The following MYH10 variants were observed in gnomAD, a reference collection of about 807,000 sequenced individuals.
MYH10 encodes the protein myosin-10.
MYH10 carries 55 observed loss-of-function variants against 257.8 expected under a neutral mutation model. That is an observed-to-expected ratio of 0.21 (90% CI 0.17 to 0.27). MYH10 has a LOEUF of 0.27. Among genes scored for constraint, MYH10 ranks in the 10% least tolerant of loss-of-function variants. MYH10 has a pLI of 1.00. For missense variants in MYH10, 1,631 were observed against 2,500.6 expected (o/e 0.65, Z 7.42); for synonymous variants, 854 against 921.7 (o/e 0.93, Z 1.33).
At chr17:8,586,267 C>T (rs1319230188) in intron 4 of MYH10, among the ~76,000 whole-genome samples, 3 of 152,296 alleles carry the variant, frequency 2.0e-5, no homozygotes, top group South Asian at 2.1e-4. Context: ...ACACTCATCA[C>T]TGAGTACACT....
chr17:8,545,024 G>A lies in MYH10; in HGVS notation c.1431+424C>T, dbSNP rs1468267285. On this transcript the variant is annotated intron_variant, in intron 13 of 42. Coordinates refer to ENST00000360416, the MANE Select transcript of MYH10 (RefSeq NM_001256012.3). The surrounding 1 kb of genome is among the most constrained non-coding windows in gnomAD (Gnocchi z 4.7). ...GACCTGGCCCCATGCTCTTCTCCAC[G>A]TCTCCAACTCCTCTCTCCCTCTGGT... 6.6e-6 allele frequency among the ~76,000 whole-genome samples: 1 copy of A among 152,056 alleles called. No homozygotes were observed. The highest frequency in any genetic ancestry group is 1.5e-5 in the Non-Finnish European group (1 of 68,020).
chr17:8,627,986 A>G (rs866944173), intron 1 of MYH10, among the ~76,000 whole-genome samples: 30 of 152,348 alleles, frequency 2.0e-4, no homozygotes, highest in Middle Eastern at 3.4e-3. Context: ...TACACACTAC[A>G]ATGATGGAAG....
chr17:8,602,304 G>A (rs2084639210), intron 3 of MYH10, among the ~76,000 whole-genome samples: 1 of 152,166 alleles, frequency 6.6e-6, no homozygotes, highest in Non-Finnish European at 1.5e-5. Flanking sequence ...AAAGCTCTTG[G>A]CAGCTTGGAT....
At chr17:8,510,179 C>CAGT (rs1045552839) in intron 24 of MYH10, among the ~76,000 whole-genome samples, 1 of 151,748 alleles carries the variant, frequency 6.6e-6, no homozygotes, top group Non-Finnish European at 1.5e-5. Context: ...GCTGGGACTA[C>CAGT]AGGTGCCCGC....
intron 21 of MYH10, 33 bp downstream of exon 21, chr17:8,518,598 C>T (rs1372846127): frequency 1.3e-6 from 2 of 1,596,606 alleles, no homozygotes; most frequent in South Asian, 1.1e-5. Flanking sequence ...AGCACTTCCT[C>T]AGTGAACGAT....
Position 8,584,037 on chromosome 17 carries a change from C to T in MYH10, c.530+5044G>A, listed in dbSNP as rs1443530382. 2.6e-5 allele frequency among the ~76,000 whole-genome samples: 4 copies of T among 152,256 alleles called. No individual in the cohort carries two copies. The South Asian group carries it at 6.2e-4, about 24-fold the overall frequency. On this transcript the variant is annotated intron_variant, in intron 4 of 42. Transcript: ENST00000360416. ...AATCAACATGAGGATTACACTGTAG[C>T]AGGATTTCACCTCCAGTTCTATGGG... is the stretch of plus-strand genomic sequence containing the variant.
intron 7 of MYH10, among the ~76,000 whole-genome samples, chr17:8,567,900 C>T (rs976631675): frequency 2.0e-5 from 3 of 152,150 alleles, no homozygotes; most frequent in South Asian, 4.1e-4. Context: ...AACTATGTTT[C>T]GTTAAAGATT....
rs774704772 is a variant in MYH10 at position 8,480,223 on chromosome 17, C to T, written c.5484G>A (p.Leu1828=). The change falls in exon 40 of 43, where the codon CTG becomes CTA. Residue 1828 remains leucine (L), a synonymous_variant. Transcript: ENST00000360416. ...CCTCGAGTTCCTGCAGCTTGGCCTTCAGCTCCTTGTTCTGCCGCTCCAGTT... is the reference window on the plus strand; with the variant it reads ...CCTCGAGTTCCTGCAGCTTGGCCTTTAGCTCCTTGTTCTGCCGCTCCAGTT... ...RQQLERQNKE[L]KAKLQELEGA... is the part of the protein sequence containing the mutation. 2 of 1,614,132 alleles carry T rather than the reference C, an allele frequency of 1.2e-6. No individual in the cohort carries two copies. The highest frequency in any genetic ancestry group is 2.2e-5 in the South Asian group (2 of 91,084).
chr17:8,613,306 C>T (rs926251421), intron 2 of MYH10, among the ~76,000 whole-genome samples: 8 of 151,748 alleles, frequency 5.3e-5, no homozygotes, highest in African/African-American at 1.5e-4. Flanking sequence ...TCTAAAAGAA[C>T]GGAAGCTAAA....
intron 6 of MYH10, among the ~76,000 whole-genome samples, chr17:8,572,091 CT>C (rs1333354183): frequency 6.6e-6 from 1 of 152,168 alleles, no homozygotes; most frequent in Non-Finnish European, 1.5e-5. Context: ...AAGAAAAAGA[CT>C]TTGATAGTCC....
chr17:8,511,015 C>CATATATATATATATATAT (rs56144668), intron 24 of MYH10: 2 of 120,546 alleles, frequency 1.7e-5, no homozygotes, highest in African/African-American at 7.7e-5. Flanking sequence ...TCATGTACCC[C>CATATATATATATATATAT]ATATATATAT....
intron 24 of MYH10, among the ~76,000 whole-genome samples, chr17:8,510,522 G>A (rs1046320700): frequency 1.3e-5 from 2 of 152,100 alleles, no homozygotes; most frequent in Non-Finnish European, 2.9e-5. Flanking sequence ...GACATACAGT[G>A]ATAAGTTATT....
At chr17:8,564,387 T>C (rs959224516) in intron 7 of MYH10, among the ~76,000 whole-genome samples, 15 of 152,218 alleles carry the variant, frequency 9.9e-5, no homozygotes, top group Non-Finnish European at 2.1e-4. Context: ...TTTAACATCG[T>C]ACTACTCTTG....
rs562006704 is a variant in MYH10, at chr17:8,552,664, A to G, written c.821-520T>C. Among the ~76,000 whole-genome samples the G allele has an allele frequency of 2.0e-4, 31 of 152,318 alleles. No individual in the cohort carries two copies. The South Asian group carries it at 6.4e-3, about 32-fold the overall frequency. On this transcript the variant is annotated intron_variant, in intron 8 of 42. Coordinates refer to ENST00000360416, the MANE Select transcript of MYH10 (RefSeq NM_001256012.3). This position sits in a 1 kb window ranked among gnomAD's most constrained non-coding sequence, Gnocchi z 4.8. ...CAAAATGCATGATGAGAGTGCCCACAATGCTACCCTATTGAAAGCCTCCTA... is the reference window on the plus strand; with the variant it reads ...CAAAATGCATGATGAGAGTGCCCACGATGCTACCCTATTGAAAGCCTCCTA...
At chr17:8,503,021 G>A (rs1244708878) in intron 28 of MYH10, among the ~76,000 whole-genome samples, 2 of 152,204 alleles carry the variant, frequency 1.3e-5, no homozygotes, top group Non-Finnish European at 2.9e-5. Context: ...GGTGGCTCAC[G>A]CCTGTAATCC....
intron 27 of MYH10, chr17:8,505,995 T>A (rs1309622399): frequency 1.5e-5 from 3 of 195,852 alleles, no homozygotes; most frequent in African/African-American, 4.7e-5. Flanking sequence ...AAAAAATAAA[T>A]AAAACATACT....
At chr17:8,595,014 A>C (rs879918631) in intron 3 of MYH10, among the ~76,000 whole-genome samples, 2 of 152,224 alleles carry the variant, frequency 1.3e-5, no homozygotes, top group Admixed American at 1.3e-4. Context: ...ACTGAAAACA[A>C]TCTAAATGTT....
chr17:8,519,014 G>T, intron 19 of MYH10, 64 bp from the exon 20 acceptor site: 1 of 1,302,102 alleles, frequency 7.7e-7, no homozygotes, highest in Non-Finnish European at 1.1e-6. Flanking sequence ...TCTACTAACT[G>T]TGTGTTTTGC....
In MYH10 at chr17:8,545,355, G is replaced by A; in HGVS notation, c.1431+93C>T. On this transcript the variant is annotated intron_variant, in intron 13 of 42. Coordinates refer to ENST00000360416, the MANE Select transcript of MYH10 (RefSeq NM_001256012.3). The surrounding 1 kb of genome is among the most constrained non-coding windows in gnomAD (Gnocchi z 4.7). ...GAATGGCAGGGACTGTATCCCTGGT[G>A]CCTCGTATGTACTGGGCACACAGTA... The A allele has an allele frequency of 7.2e-7, 1 of 1,382,638 alleles. No homozygotes were observed. Among genetic ancestry groups the A allele is most frequent in the South Asian group, 1.3e-5 (1 of 78,356 alleles). The allele number at this position is 1,382,638 out of a possible 1,614,324, so 85.6% of individuals were successfully genotyped here.
Sources: allele counts gnomAD v4.1 joint callset (sites outside exome capture counted in the v4.1 genomes callset), GRCh38; gene constraint gnomAD v4.1.1; non-coding constraint Gnocchi (gnomAD v3.1); transcripts MANE v1.5; gene names NCBI Gene and HGNC (gene_info 2026-07-23, HGNC 2026-07-21).